Variants in DOK6 observed in about 807,000 individuals in gnomAD.
DOK6 encodes docking protein 6, also known as downstream of tyrosine kinase 6.
Under a neutral mutation model 44.0 loss-of-function variants are expected in DOK6, and 22 were observed. The observed-to-expected ratio is 0.50, with a 90% CI of 0.36 to 0.71. The LOEUF is 0.71. Ranked by LOEUF, DOK6 falls within the 30% of genes least tolerant of loss-of-function variation. The pLI, the probability that DOK6 is intolerant of heterozygous loss-of-function variation, is 0.00. For synonymous variants in DOK6, 166 were observed against 145.5 expected, an observed-to-expected ratio of 1.14 and a Z score of -1.01; for missense variants, 340 against 416.4, an observed-to-expected ratio of 0.82 and a Z score of 1.60.
At chr18:69,447,572 C>T (rs974843067) in intron 1 of DOK6, among the ~76,000 whole-genome samples, 2 of 152,098 alleles carry the variant, frequency 1.3e-5, no homozygotes, top group Non-Finnish European at 2.9e-5. Context: ...TGTTGATTCT[C>T]TCTATTCTTT....
intron 3 of DOK6, among the ~76,000 whole-genome samples, chr18:69,633,032 T>G (rs775505551): frequency 6.6e-6 from 1 of 152,210 alleles, no homozygotes; most frequent in African/African-American, 2.4e-5. Context: ...GTCTGGTCCA[T>G]GCATGGACTT....
chr18:69,693,758 C>A (rs924626300), intron 4 of DOK6, among the ~76,000 whole-genome samples: 1 of 152,012 alleles, frequency 6.6e-6, no homozygotes. Context: ...TTTGTTCCTG[C>A]ATAAAATAGA....
chr18:69,540,683 G>A (rs944078025), intron 1 of DOK6, among the ~76,000 whole-genome samples: 6 of 151,898 alleles, frequency 4.0e-5, no homozygotes, highest in Non-Finnish European at 7.4e-5. Context: ...AATGATTACG[G>A]TATGTATATT....
intron 5 of DOK6, among the ~76,000 whole-genome samples, chr18:69,721,675 C>T (rs916873800): frequency 6.6e-6 from 1 of 152,178 alleles, no homozygotes; most frequent in Non-Finnish European, 1.5e-5. Flanking sequence ...CATAAGCTGT[C>T]TCCCTTGGAA....
chr18:69,790,639 T>C (rs1980566713), intron 7 of DOK6, among the ~76,000 whole-genome samples: 1 of 152,162 alleles, frequency 6.6e-6, no homozygotes, highest in African/African-American at 2.4e-5. Context: ...TTTTTCTTTT[T>C]AGAAATTTTA....
Position 69,568,312 on chromosome 18 carries a change from G to C in DOK6, c.174+3718G>C. Among the ~76,000 whole-genome samples the C allele has an allele frequency of 1.3e-5, 2 of 152,190 alleles. 1 individual carries two copies. Among genetic ancestry groups the C allele is most frequent in the Non-Finnish European group, 2.9e-5 (2 of 68,032 alleles). ...CTGTGTTTACATAATGCATGGAATT[G>C]TGCACCTGCACTCCGATCCTGCTGA... is the stretch of plus-strand genomic sequence containing the variant. On this transcript the variant is annotated intron_variant, in intron 2 of 7. Transcript: ENST00000382713.
chr18:69,749,501 TC>T (rs1979098716), intron 6 of DOK6, among the ~76,000 whole-genome samples: 1 of 152,164 alleles, frequency 6.6e-6, no homozygotes, highest in Non-Finnish European at 1.5e-5. Context: ...GAATCATGAT[TC>T]CAGTTTTGCT....
chr18:69,767,712 C>T (rs1033080506), intron 7 of DOK6, among the ~76,000 whole-genome samples: 5 of 152,186 alleles, frequency 3.3e-5, no homozygotes, highest in African/African-American at 1.2e-4. Context: ...CTAGCTTTCT[C>T]GAGCCAGTTA....
At chr18:69,404,449 A>G (rs991936007) in intron 1 of DOK6, among the ~76,000 whole-genome samples, 1 of 152,230 alleles carries the variant, frequency 6.6e-6, no homozygotes, top group Non-Finnish European at 1.5e-5. Flanking sequence ...CACTGAAAGC[A>G]TTAATAATCT....
intron 3 of DOK6, among the ~76,000 whole-genome samples, chr18:69,665,907 C>A (rs2144675878): frequency 6.6e-6 from 1 of 152,150 alleles, no homozygotes; most frequent in South Asian, 2.1e-4. Context: ...CCCCTTTGCT[C>A]TCTTTTCCCT....
At chr18:69,647,060 T>TATCTATCTGTCTATCCC (rs1555719739) in intron 3 of DOK6, among the ~76,000 whole-genome samples, 51,423 of 137,354 alleles carry the variant, frequency 0.37, 9,537 homozygotes, top group Non-Finnish European at 0.45. Context: ...CTGTCTATCC[T>TATCTATCTGTCTATCCC]ATCTGTCTAT....
intron 1 of DOK6, among the ~76,000 whole-genome samples, chr18:69,441,774 C>T (rs772590971): frequency 6.6e-6 from 1 of 152,022 alleles, no homozygotes; most frequent in Non-Finnish European, 1.5e-5. Context: ...GTGAAAAGCA[C>T]AATAGGTGTT....
intron 3 of DOK6, among the ~76,000 whole-genome samples, chr18:69,616,195 G>A (rs1296080703): frequency 6.6e-6 from 1 of 152,144 alleles, no homozygotes; most frequent in Non-Finnish European, 1.5e-5. Context: ...CTTCAGTGGA[G>A]TGTTACTATC....
At chr18:69,509,555 G>C (rs929193764) in intron 1 of DOK6, among the ~76,000 whole-genome samples, 1 of 147,874 alleles carries the variant, frequency 6.8e-6, no homozygotes, top group Non-Finnish European at 1.5e-5. Context: ...GGAGAATGGC[G>C]TGAACCCGGG....
At chr18:69,610,223 T>A (rs1302831739) in intron 3 of DOK6, among the ~76,000 whole-genome samples, 1 of 152,190 alleles carries the variant, frequency 6.6e-6, no homozygotes, top group African/African-American at 2.4e-5. Flanking sequence ...TTATTTCCCA[T>A]GAAAATGTAG....
chr18:69,416,358 G>T (rs1202969068), intron 1 of DOK6, among the ~76,000 whole-genome samples: 1 of 152,098 alleles, frequency 6.6e-6, no homozygotes, highest in Non-Finnish European at 1.5e-5. Context: ...AGCTAAATTT[G>T]TGTTTTTGCA....
chr18:69,798,557 G>A (rs1459793820), intron 7 of DOK6, among the ~76,000 whole-genome samples: 2 of 151,828 alleles, frequency 1.3e-5, no homozygotes, highest in East Asian at 1.9e-4. Flanking sequence ...TGTATTTATT[G>A]TATAGCATTT....
At chr18:69,743,171 T>A (rs1978862315) in intron 6 of DOK6, among the ~76,000 whole-genome samples, 1 of 152,206 alleles carries the variant, frequency 6.6e-6, no homozygotes, top group African/African-American at 2.4e-5. Context: ...TAAGCTAGGG[T>A]AATACATATT....
chr18:69,710,270 G>GA lies in DOK6; in HGVS notation c.599+11683dup, dbSNP rs201214363. Among the ~76,000 whole-genome samples the GA allele has an allele frequency of 2.9e-3, 446 of 152,254 alleles. 5 individuals carry two copies. The highest frequency in any genetic ancestry group is 9.9e-3 in the African/African-American group (411 of 41,548). ...AAGAGGTTTAACAAAACTTAAAGGG[G>GA]AAAAAACTGACTTTTTGGACACTGA... is the stretch of plus-strand genomic sequence containing the variant. On this transcript the variant is annotated intron_variant, in intron 5 of 7. Transcript: ENST00000382713.
Sources: gnomAD v4.1 joint callset for allele counts (sites outside exome capture counted in the v4.1 genomes callset) on GRCh38, gnomAD v4.1.1 for gene constraint, MANE v1.5 for transcripts, NCBI Gene and HGNC (gene_info 2026-07-23, HGNC 2026-07-21) for gene names.